TLCD4: variants seen among roughly 807,000 people sequenced by gnomAD.
TLCD4 encodes TLC domain-containing protein 4.
In TLCD4, 7 loss-of-function variants were observed where a neutral mutation model predicts 24.2. The ratio of observed to expected loss-of-function variants is 0.29; its 90% CI spans 0.16 to 0.54. The LOEUF (loss-of-function observed/expected upper bound fraction) is 0.54, where lower values mean the gene tolerates loss of function less well. Among genes scored for constraint, TLCD4 ranks in the 20% least tolerant of loss-of-function variants. TLCD4 has a pLI of 0.95. For missense variants in TLCD4, 259 were observed against 313.9 expected (o/e 0.82, Z 1.32); for synonymous variants, 103 against 106.4 (o/e 0.97, Z 0.20).
At chr1:95,104,663 C>CAAAAAAAAAAAAAGAAAAAAAAAAAAA in the TLCD4 span, among the ~76,000 whole-genome samples, 1 of 40,620 alleles carries the variant, frequency 2.5e-5, no homozygotes, top group South Asian at 1.1e-3. Flanking sequence ...GACTCCGTCT[C>CAAAAAAAAAAAAAGAAAAAAAAAAAAA]AAAAAAAAAA....
chr1:95,139,921 C>G (rs966762956), intron 1 of TLCD4, among the ~76,000 whole-genome samples: 6 of 152,158 alleles, frequency 3.9e-5, no homozygotes, highest in African/African-American at 1.4e-4. Context: ...CAGACACACA[C>G]ATTAGCCTAG....
At chr1:95,133,321 A>G (rs1216404068) in intron 1 of TLCD4, among the ~76,000 whole-genome samples, 4 of 152,142 alleles carry the variant, frequency 2.6e-5, no homozygotes, top group African/African-American at 9.7e-5. Flanking sequence ...CCAACATGGC[A>G]CATGTATACA....
the TLCD4 span, among the ~76,000 whole-genome samples, chr1:95,098,792 C>T: frequency 3.9e-4 from 60 of 152,178 alleles, no homozygotes; most frequent in East Asian, 1.2e-3. Flanking sequence ...AGGCTGGGTG[C>T]GGTGGCTCAC....
chr1:95,144,240 T>C (rs1385393063), intron 2 of TLCD4, among the ~76,000 whole-genome samples, 184 bp downstream of exon 2: 1 of 152,208 alleles, frequency 6.6e-6, no homozygotes. Context: ...AATTCATATA[T>C]TGAAAGATGT....
intron 6 of TLCD4, among the ~76,000 whole-genome samples, chr1:95,179,168 AAAATT>A (rs1308657118): frequency 1.3e-5 from 2 of 152,260 alleles, no homozygotes; most frequent in East Asian, 3.8e-4. Flanking sequence ...TAAAGGAAAT[AAAATT>A]AAAAATTCAA....
chr1:95,173,617 A>T (rs1678311436), intron 5 of TLCD4, among the ~76,000 whole-genome samples, 199 bp from the exon 6 acceptor site: 1 of 152,204 alleles, frequency 6.6e-6, no homozygotes. Flanking sequence ...ACTGTTTTTT[A>T]AAAATACTGT....
chr1:95,104,757 A>G, the TLCD4 span, among the ~76,000 whole-genome samples: 9 of 151,084 alleles, frequency 6.0e-5, no homozygotes, highest in Non-Finnish European at 1.0e-4. Context: ...CATTTTTAGC[A>G]TGGCTCACAC....
At chr1:95,165,248 T>C (rs567223770) in intron 5 of TLCD4, 1 of 152,332 alleles carries the variant, frequency 6.6e-6, no homozygotes, top group Non-Finnish European at 1.5e-5. Flanking sequence ...TCTGAAGATG[T>C]TTTTATTCTC....
In TLCD4 at chr1:95,117,357, G is replaced by A. The variant is rs1169099608; in HGVS notation, c.-272G>A. On this transcript the variant is annotated 5_prime_UTR_variant, in exon 1 of 7. Coordinates refer to ENST00000370203, the MANE Select transcript of TLCD4 (RefSeq NM_152487.3). ...GCCCGAGCGGCCGCGGCCCCTTTAA[G>A]GAGCAGCTCTGCGGTAACCCGAGCC... 2.0e-5 allele frequency: 3 copies of A among 152,208 alleles called. No individual in the cohort carries two copies. The highest frequency in any genetic ancestry group is 2.0e-4 in the Admixed American group (3 of 15,288). The allele number at this position is 152,208 out of a possible 1,614,324, so 9.4% of individuals were successfully genotyped here. A position where few individuals can be genotyped will look rare whatever the true frequency, so the allele number is the denominator to read the frequency against.
intron 5 of TLCD4, among the ~76,000 whole-genome samples, chr1:95,160,165 G>A (rs894448632): frequency 1.3e-5 from 2 of 152,070 alleles, no homozygotes; most frequent in African/African-American, 2.4e-5. Context: ...ATTTGTTTGT[G>A]TCCTCTTTTA....
At chr1:95,106,653 G>A in the TLCD4 span, among the ~76,000 whole-genome samples, 77,763 of 151,940 alleles carry the variant, frequency 0.51, 21,368 homozygotes, top group Non-Finnish European at 0.6. Context: ...AGATGGCACC[G>A]CTACACTCCA....
At chr1:95,145,218 G>T (rs902851577) in intron 2 of TLCD4, among the ~76,000 whole-genome samples, 1 of 152,130 alleles carries the variant, frequency 6.6e-6, no homozygotes, top group Admixed American at 6.6e-5. Context: ...AATGGATTCA[G>T]CAAGTCTCTA....
At chr1:95,092,870 C>G in the TLCD4 span, among the ~76,000 whole-genome samples, 1 of 152,184 alleles carries the variant, frequency 6.6e-6, no homozygotes. Context: ...TCCCAAGTAG[C>G]TGGGATTACA....
At chr1:95,127,469 A>G (rs1676772294) in intron 1 of TLCD4, among the ~76,000 whole-genome samples, 1 of 152,196 alleles carries the variant, frequency 6.6e-6, no homozygotes, top group African/African-American at 2.4e-5. Flanking sequence ...TTAAAAAAAG[A>G]ACAAAATATA....
Position 95,175,627 on chromosome 1 carries a change from T to C in TLCD4, c.473+1738T>C, listed in dbSNP as rs1678393349. 2.0e-5 allele frequency among the ~76,000 whole-genome samples: 3 copies of C among 152,366 alleles called. No homozygotes were observed. The South Asian group carries it at 6.2e-4, about 32-fold the overall frequency. ...CCTTCAGACAGTTTTCCATAATGCA[T>C]ACATCTTTTTACATTCCCACTAACA... is the stretch of plus-strand genomic sequence containing the variant. On this transcript the variant is annotated intron_variant, in intron 6 of 6. Coordinates refer to ENST00000370203, the MANE Select transcript of TLCD4 (RefSeq NM_152487.3).
At chr1:95,101,679 G>A in the TLCD4 span, among the ~76,000 whole-genome samples, 2 of 152,164 alleles carry the variant, frequency 1.3e-5, no homozygotes, top group Non-Finnish European at 2.9e-5. Flanking sequence ...TGCAGGTGGT[G>A]TGAAAAACAC....
rs1229064824 is a variant in TLCD4 at position 95,194,652 on chromosome 1, G to A, written c.*2784G>A. Reference sequence around the variant, plus strand: ...AAAGATAACCTGTAATTATAAAGATGTTTTTTGAATGTGTAGTATCCTAGA... The same window carrying A: ...AAAGATAACCTGTAATTATAAAGATATTTTTTGAATGTGTAGTATCCTAGA... On this transcript the variant is annotated 3_prime_UTR_variant, in exon 7 of 7. Transcript: ENST00000370203. 1 of 152,008 alleles carries A rather than the reference G, an allele frequency of 6.6e-6. No homozygotes were observed. Among genetic ancestry groups the A allele is most frequent in the Non-Finnish European group, 1.5e-5 (1 of 67,968 alleles). The allele number at this position is 152,008 out of a possible 1,614,324, so 9.4% of individuals were successfully genotyped here. A position where few individuals can be genotyped will look rare whatever the true frequency, so the allele number is the denominator to read the frequency against.
At chr1:95,122,970 G>T (rs1424758996) in intron 1 of TLCD4, among the ~76,000 whole-genome samples, 3 of 151,384 alleles carry the variant, frequency 2.0e-5, no homozygotes, top group Non-Finnish European at 4.4e-5. Context: ...TTATGGACAT[G>T]ATTTTTTTTT....
At chr1:95,113,768 T>C (rs1676381645), upstream of TLCD4, among the ~76,000 whole-genome samples, 3 of 152,154 alleles carry the variant, frequency 2.0e-5, no homozygotes, top group African/African-American at 7.2e-5. Flanking sequence ...CAGAATCTCA[T>C]CCATCCAGAA....
Sources: gnomAD v4.1 joint callset for allele counts (sites outside exome capture counted in the v4.1 genomes callset) on GRCh38, gnomAD v4.1.1 for gene constraint, MANE v1.5 for transcripts, NCBI Gene and HGNC (gene_info 2026-07-23, HGNC 2026-07-21) for gene names.